Variants in OSBPL3 observed in about 807,000 individuals in gnomAD.
OSBPL3 encodes oxysterol-binding protein-related protein 3.
OSBPL3 carries 65 observed loss-of-function variants against 120.1 expected under a neutral mutation model. That is an observed-to-expected ratio of 0.54 (90% confidence interval 0.44 to 0.67). The LOEUF is 0.67. OSBPL3 is among the 30% of genes least tolerant of loss of function. The pLI, the probability that OSBPL3 is intolerant of heterozygous loss-of-function variation, is 0.00. For missense variants in OSBPL3, 1,004 were observed against 1,082.1 expected (o/e 0.93, Z 1.01); for synonymous variants, 416 against 402.6 (o/e 1.03, Z -0.40).
Position 24,967,727 on chromosome 7 carries a change from T to A in OSBPL3, c.-150+12159A>T, listed in dbSNP as rs1816550990. Among the ~76,000 whole-genome samples, 1 of 152,086 alleles carries A rather than the reference T, an allele frequency of 6.6e-6. No homozygotes were observed. The highest frequency in any genetic ancestry group is 2.4e-5 in the African/African-American group (1 of 41,418). On this transcript the variant is annotated intron_variant, in intron 1 of 22. Transcript: ENST00000313367. This position sits in a 1 kb window ranked among gnomAD's most constrained non-coding sequence, Gnocchi z 5.6. Reference sequence around the variant, plus strand: ...CCCAAGGTACTACAGGCTTCCCCCTTTCTCTCCTGGGACCTGCCCCAAAGG... The same window carrying A: ...CCCAAGGTACTACAGGCTTCCCCCTATCTCTCCTGGGACCTGCCCCAAAGG...
At chr7:24,866,884 C>T (rs1474794317) in intron 5 of OSBPL3, among the ~76,000 whole-genome samples, 1 of 152,174 alleles carries the variant, frequency 6.6e-6, no homozygotes, top group South Asian at 2.1e-4. Flanking sequence ...TCACTGCAAC[C>T]TCCACCTCCC....
chr7:24,866,226 T>G lies in OSBPL3; in HGVS notation c.393A>C (p.Glu131Asp). The G allele has an allele frequency of 6.2e-7, 1 of 1,608,590 alleles. No individual in the cohort carries two copies. The highest frequency in any genetic ancestry group is 8.5e-7 in the Non-Finnish European group (1 of 1,174,932). ...EHIYHLKVKS[E>D]EVFDEWVSKL... ...TCGATACCCACTCATCAAAGACTTCTTCTGACTTGACCTATAATATATTCG... is the reference window on the plus strand; with the variant it reads ...TCGATACCCACTCATCAAAGACTTCGTCTGACTTGACCTATAATATATTCG... Residue 131 changes from glutamate to aspartate, a missense_variant, in exon 6 of 23, where the codon GAA (glutamate) becomes GAC (aspartate). Glu to Asp is a conservative substitution (Grantham distance 45, BLOSUM62 2). This residue lies in a region of OSBPL3 where 255 missense variants were observed against 248.7 expected (regional missense o/e 1.03). Transcript: ENST00000313367.
intron 19 of OSBPL3, among the ~76,000 whole-genome samples, chr7:24,812,120 A>C (rs1238499982): frequency 1.3e-5 from 2 of 152,088 alleles, no homozygotes; most frequent in African/African-American, 4.8e-5. Flanking sequence ...CAGCCTGTCC[A>C]ACATGGTGAA....
At position 24,977,804 on chromosome 7, in the gene OSBPL3, C is replaced by T. The variant is rs1210587484; in HGVS notation, c.-150+2082G>A. ...CCGGGAGGCGGAGTTTGCAGTGAGC[C>T]GAGATCGCGCCACTGTACTCCAGCC... On this transcript the variant is annotated intron_variant, in intron 1 of 22. Coordinates refer to ENST00000313367, the MANE Select transcript of OSBPL3 (RefSeq NM_015550.4). Among the ~76,000 whole-genome samples the T allele has an allele frequency of 2.6e-5, 4 of 152,082 alleles. No homozygotes were observed. The East Asian group carries it at 5.8e-4, about 22-fold the overall frequency.
chr7:24,834,907 T>C lies in OSBPL3; in HGVS notation c.1496-171A>G, dbSNP rs577845139. On this transcript the variant is annotated intron_variant, in intron 14 of 22. Transcript: ENST00000313367. The surrounding 1 kb of genome is among the most constrained non-coding windows in gnomAD (Gnocchi z 5.2). ...GGCAAAAGAATTCTGAGCAATTAAA[T>C]ACCAAAAATGACACACACTAAAACC... Among the ~76,000 whole-genome samples the C allele has an allele frequency of 1.3e-5, 2 of 152,334 alleles. No individual in the cohort carries two copies. Among genetic ancestry groups the C allele is most frequent in the South Asian group, 2.1e-4 (1 of 4,830 alleles).
intron 16 of OSBPL3, among the ~76,000 whole-genome samples, chr7:24,826,447 C>A (rs918947417): frequency 2.6e-5 from 4 of 152,028 alleles, no homozygotes. Flanking sequence ...ATGGTGAGAA[C>A]GAACAGCATA....
At position 24,922,714 on chromosome 7, in the gene OSBPL3, C is replaced by T. The variant is rs1810545712; in HGVS notation, c.-149-30093G>A. On this transcript the variant is annotated intron_variant, in intron 1 of 22. Coordinates refer to ENST00000313367, the MANE Select transcript of OSBPL3 (RefSeq NM_015550.4). The surrounding 1 kb of genome is among the most constrained non-coding windows in gnomAD (Gnocchi z 4.3). ...TCTAGCCTGACCACCTGCTTCACAGCCTTGCTATGAACTCTGTTCTTTGCA... is the reference window on the plus strand; with the variant it reads ...TCTAGCCTGACCACCTGCTTCACAGTCTTGCTATGAACTCTGTTCTTTGCA... 6.6e-6 allele frequency among the ~76,000 whole-genome samples: 1 copy of T among 152,148 alleles called. No individual in the cohort carries two copies. The highest frequency in any genetic ancestry group is 1.5e-5 in the Non-Finnish European group (1 of 68,042).
At chr7:24,853,628 T>C (rs1225316032) in intron 10 of OSBPL3, among the ~76,000 whole-genome samples, 1 of 152,204 alleles carries the variant, frequency 6.6e-6, no homozygotes, top group African/African-American at 2.4e-5. Flanking sequence ...AATGCTGTAT[T>C]TCCTGAATTT....
chr7:24,957,299 A>G (rs944130116), intron 1 of OSBPL3, among the ~76,000 whole-genome samples: 2 of 152,120 alleles, frequency 1.3e-5, no homozygotes, highest in African/African-American at 4.8e-5. Flanking sequence ...AAAAAACAGG[A>G]TTACAGTTCC....
Position 24,965,073 on chromosome 7 carries a change from G to T in OSBPL3, c.-150+14813C>A, listed in dbSNP as rs1348899728. On this transcript the variant is annotated intron_variant, in intron 1 of 22. Coordinates refer to ENST00000313367, the MANE Select transcript of OSBPL3 (RefSeq NM_015550.4). The surrounding 1 kb of genome is among the most constrained non-coding windows in gnomAD (Gnocchi z 4.3). ...CATGAGTTCAGAAGTAGTTAGGGAA[G>T]TTATGGAAACCATTCATTCATTTAT... is the stretch of plus-strand genomic sequence containing the variant. Among the ~76,000 whole-genome samples the T allele has an allele frequency of 6.6e-6, 1 of 152,224 alleles. No homozygotes were observed. Among genetic ancestry groups the T allele is most frequent in the African/African-American group, 2.4e-5 (1 of 41,450 alleles).
Position 24,819,584 on chromosome 7 carries a change from CTAG to C in OSBPL3, c.1948+588_1948+590del, listed in dbSNP as rs1194969112. ...TGTGTAAAGGTAACGTGTGATATCA[CTAG>C]TAGCAGAGAAAAATATTTTTAAAAT... On this transcript the variant is annotated intron_variant, in intron 17 of 22. Transcript: ENST00000313367. This position sits in a 1 kb window ranked among gnomAD's most constrained non-coding sequence, Gnocchi z 4.1. Among the ~76,000 whole-genome samples the C allele has an allele frequency of 6.6e-6, 1 of 151,984 alleles. No individual in the cohort carries two copies. The highest frequency in any genetic ancestry group is 1.5e-5 in the Non-Finnish European group (1 of 67,992).
At chr7:24,882,006 C>T (rs186805294) in intron 2 of OSBPL3, among the ~76,000 whole-genome samples, 113 of 152,206 alleles carry the variant, frequency 7.4e-4, no homozygotes, top group Middle Eastern at 3.4e-3. Flanking sequence ...ATCTGAGCTG[C>T]CCTACTCATC....
chr7:24,977,788 G>A (rs1214936347), intron 1 of OSBPL3, among the ~76,000 whole-genome samples: 2 of 152,190 alleles, frequency 1.3e-5, no homozygotes, highest in Admixed American at 6.5e-5. Context: ...CCCGGGAGGC[G>A]GAGTTTGCAG....
chr7:24,800,992 C>T (rs1433722766), intron 22 of OSBPL3, among the ~76,000 whole-genome samples: 2 of 147,350 alleles, frequency 1.4e-5, no homozygotes, highest in African/African-American at 5.0e-5. Flanking sequence ...CCTGTAATCT[C>T]GGTACTTTGG....
chr7:24,809,106 A>G (rs1316761305), intron 20 of OSBPL3, among the ~76,000 whole-genome samples: 5 of 152,164 alleles, frequency 3.3e-5, no homozygotes, highest in Admixed American at 1.3e-4. Flanking sequence ...GTAATAGCAC[A>G]CAGCCTAACG....
intron 1 of OSBPL3, among the ~76,000 whole-genome samples, chr7:24,957,241 C>T (rs979717558): frequency 2.6e-5 from 4 of 151,626 alleles, no homozygotes; most frequent in African/African-American, 9.7e-5. Flanking sequence ...AAAAACCTCA[C>T]CATCAAATCC....
chr7:24,962,371 A>T (rs947896647), intron 1 of OSBPL3, among the ~76,000 whole-genome samples: 9 of 131,784 alleles, frequency 6.8e-5, no homozygotes, highest in Non-Finnish European at 1.3e-4. Flanking sequence ...AAAGAAAAAG[A>T]AAGGAGAGGA....
rs991298813 is a variant in OSBPL3, at chr7:24,877,573, T to C, written c.97-5504A>G. Among the ~76,000 whole-genome samples, 1 of 152,078 alleles carries C rather than the reference T, an allele frequency of 6.6e-6. No homozygotes were observed. The highest frequency in any genetic ancestry group is 2.4e-5 in the African/African-American group (1 of 41,402). ...TCTTATTTATTACAATCCTACTACC[T>C]GGGAAATAGGGGCCGAAATAAATGT... On this transcript the variant is annotated intron_variant, in intron 2 of 22. Transcript: ENST00000313367. The surrounding 1 kb of genome is among the most constrained non-coding windows in gnomAD (Gnocchi z 4.8).
Position 24,852,960 on chromosome 7 carries a change from T to C in OSBPL3, c.1028-326A>G, listed in dbSNP as rs1799356010. 6.6e-6 allele frequency among the ~76,000 whole-genome samples: 1 copy of C among 152,190 alleles called. No individual in the cohort carries two copies. The highest frequency in any genetic ancestry group is 1.9e-4 in the East Asian group (1 of 5,196). ...CTTATAAAAGCTCTGCACTTTTGGT[T>C]CAATTTTGCTATGGACCTAAAACTG... On this transcript the variant is annotated intron_variant, in intron 10 of 22. Coordinates refer to ENST00000313367, the MANE Select transcript of OSBPL3 (RefSeq NM_015550.4). The surrounding 1 kb of genome is among the most constrained non-coding windows in gnomAD (Gnocchi z 4.1).
Sources: allele counts gnomAD v4.1 joint callset (sites outside exome capture counted in the v4.1 genomes callset), GRCh38; gene constraint gnomAD v4.1.1; regional missense constraint gnomAD v4.1.1; non-coding constraint Gnocchi (gnomAD v3.1); transcripts MANE v1.5; gene names NCBI Gene and HGNC (gene_info 2026-07-23, HGNC 2026-07-21).